Variants in CLIC4 observed in about 807,000 individuals in gnomAD.
CLIC4 encodes the protein chloride intracellular channel protein 4.
Under a neutral mutation model 24.6 loss-of-function variants are expected in CLIC4, and 13 were observed. The ratio of observed to expected loss-of-function variants is 0.53; its 90% CI spans 0.34 to 0.84. The LOEUF (loss-of-function observed/expected upper bound fraction) is 0.84. Among genes scored for constraint, CLIC4 ranks in the 40% least tolerant of loss-of-function variants. The pLI is 0.01. For synonymous variants in CLIC4, 104 were observed against 111.3 expected, an observed-to-expected ratio of 0.93 and a Z score of 0.41; for missense variants, 227 against 301.7, an observed-to-expected ratio of 0.75 and a Z score of 1.83.
intron 3 of CLIC4, 75 bp from the exon 4 acceptor site, chr1:24,826,935 A>G: frequency 1.1e-6 from 1 of 943,434 alleles, no homozygotes; most frequent in South Asian, 1.6e-5. Flanking sequence ...AGTAACTGCT[A>G]GCATGGTGGT....
chr1:24,805,208 C>T (rs1200057130), intron 2 of CLIC4, among the ~76,000 whole-genome samples: 1 of 150,168 alleles, frequency 6.7e-6, no homozygotes, highest in Non-Finnish European at 1.5e-5. Flanking sequence ...ATAAAATTGA[C>T]ATTAAAAGTA....
At chr1:24,759,852 C>T (rs1428819840) in intron 1 of CLIC4, among the ~76,000 whole-genome samples, 1 of 151,940 alleles carries the variant, frequency 6.6e-6, no homozygotes, top group Non-Finnish European at 1.5e-5. Flanking sequence ...TGCTTGGGGG[C>T]TGAGGCAGGA....
rs547867167 is a variant in CLIC4 at position 24,748,019 on chromosome 1, C to T, written c.72+2394C>T. On this transcript the variant is annotated intron_variant, in intron 1 of 5. Coordinates refer to ENST00000374379, the MANE Select transcript of CLIC4 (RefSeq NM_013943.3). ...CAGCCTGGGCGACAGAGTGAGACTT[C>T]GTCTCAAAAAAAAAAAAAAAAAGAT... 8.2e-4 allele frequency among the ~76,000 whole-genome samples: 87 copies of T among 106,672 alleles called. 1 individual carries two copies. In the East Asian group the frequency reaches 0.019, roughly 23 times the overall value. The allele number at this position is 106,672 out of a possible 152,430, so 70.0% of individuals were successfully genotyped here. A position where few individuals can be genotyped will look rare whatever the true frequency, so the allele number is the denominator to read the frequency against.
At chr1:24,791,825 G>A (rs921076867) in intron 1 of CLIC4, among the ~76,000 whole-genome samples, 1 of 150,818 alleles carries the variant, frequency 6.6e-6, no homozygotes, top group Non-Finnish European at 1.5e-5. Flanking sequence ...GCAGTGAGCC[G>A]AGATCACACC....
intron 4 of CLIC4, among the ~76,000 whole-genome samples, chr1:24,838,282 G>A (rs1639905660): frequency 1.3e-5 from 2 of 152,170 alleles, no homozygotes; most frequent in Non-Finnish European, 2.9e-5. Context: ...TGGCATGTAG[G>A]AGGGGCTCAA....
chr1:24,830,096 T>C (rs1010813451), intron 4 of CLIC4, among the ~76,000 whole-genome samples: 1 of 152,228 alleles, frequency 6.6e-6, no homozygotes, highest in Admixed American at 6.5e-5. Flanking sequence ...TTACATTTAA[T>C]GTTTTCTGCC....
Position 24,773,524 on chromosome 1 carries a change from A to G in CLIC4, c.73-24218A>G, listed in dbSNP as rs1639096835. 2.6e-5 allele frequency among the ~76,000 whole-genome samples: 4 copies of G among 151,126 alleles called. No homozygotes were observed. In the South Asian group the frequency reaches 8.4e-4, roughly 32 times the overall value. ...AAGGGAAGACCCTGGCAGTTAGTGA[A>G]TTTATCTTTGGTTAGCAGATATTTT... On this transcript the variant is annotated intron_variant, in intron 1 of 5. Coordinates refer to ENST00000374379, the MANE Select transcript of CLIC4 (RefSeq NM_013943.3).
chr1:24,748,429 T>C (rs1421848522), intron 1 of CLIC4, among the ~76,000 whole-genome samples: 1 of 149,908 alleles, frequency 6.7e-6, no homozygotes, highest in Non-Finnish European at 1.5e-5. Context: ...ATTTGTGAAA[T>C]AAGAAATGTT....
chr1:24,793,246 A>G (rs1639361877), intron 1 of CLIC4: 1 of 151,818 alleles, frequency 6.6e-6, no homozygotes, highest in South Asian at 2.1e-4. Flanking sequence ...TCTGTAGTAA[A>G]TCCACTTGTG....
chr1:24,791,974 G>C (rs537950920), intron 1 of CLIC4, among the ~76,000 whole-genome samples: 11 of 150,712 alleles, frequency 7.3e-5, no homozygotes, highest in African/African-American at 2.7e-4. Flanking sequence ...GCCTGAACCT[G>C]GGAGGTAGAG....
intron 1 of CLIC4, among the ~76,000 whole-genome samples, chr1:24,766,403 A>G (rs909392074): frequency 2.0e-5 from 3 of 150,012 alleles, no homozygotes; most frequent in Non-Finnish European, 4.4e-5. Context: ...AAGTGCTAGG[A>G]ATATAGGCAT....
At chr1:24,770,850 G>T (rs1239752074) in intron 1 of CLIC4, among the ~76,000 whole-genome samples, 1 of 151,950 alleles carries the variant, frequency 6.6e-6, no homozygotes. Context: ...TATTTTCTTG[G>T]TTTATTCCAT....
chr1:24,772,527 C>G (rs1192973656), intron 1 of CLIC4, among the ~76,000 whole-genome samples: 5 of 152,106 alleles, frequency 3.3e-5, no homozygotes, highest in Admixed American at 3.3e-4. Context: ...GCTCTCTCGC[C>G]CAGGCTAGAG....
intron 2 of CLIC4, among the ~76,000 whole-genome samples, chr1:24,800,493 C>T (rs1325993517): frequency 2.0e-5 from 3 of 151,164 alleles, no homozygotes; most frequent in African/African-American, 7.3e-5. Flanking sequence ...AGGTGAGGGG[C>T]GCCTCTGCCC....
In CLIC4 at chr1:24,843,984, A is replaced by T. The variant is rs1346819254; in HGVS notation, c.*3047A>T. 6.6e-6 allele frequency: 1 copy of T among 152,650 alleles called. No homozygotes were observed. Among genetic ancestry groups the T allele is most frequent in the Admixed American group, 6.5e-5 (1 of 15,280 alleles). The allele number at this position is 152,650 out of a possible 1,614,324, so 9.5% of individuals were successfully genotyped here. On this transcript the variant is annotated 3_prime_UTR_variant, in exon 6 of 6. Transcript: ENST00000374379. Reference sequence around the variant, plus strand: ...AATTTGAATTTAAGCATTTAATTCAAAGAGAGGGGAGCATCCATTATTGAT... The same window carrying T: ...AATTTGAATTTAAGCATTTAATTCATAGAGAGGGGAGCATCCATTATTGAT...
intron 1 of CLIC4, among the ~76,000 whole-genome samples, chr1:24,760,140 T>C (rs1281947946): frequency 6.6e-6 from 1 of 151,826 alleles, no homozygotes; most frequent in Non-Finnish European, 1.5e-5. Flanking sequence ...CTGAGGCAGG[T>C]GGATCAGTTG....
intron 1 of CLIC4, among the ~76,000 whole-genome samples, chr1:24,759,869 C>T (rs1231437395): frequency 6.6e-6 from 1 of 151,758 alleles, no homozygotes; most frequent in Admixed American, 6.6e-5. Flanking sequence ...AGGAGGATCA[C>T]CTGAACCTTG....
At chr1:24,829,785 C>T (rs1639821845) in intron 4 of CLIC4, among the ~76,000 whole-genome samples, 1 of 152,168 alleles carries the variant, frequency 6.6e-6, no homozygotes, top group South Asian at 2.1e-4. Context: ...CTCCTTTCTC[C>T]TCTCCCCACT....
At chr1:24,768,531 A>G (rs1197679398) in intron 1 of CLIC4, among the ~76,000 whole-genome samples, 2 of 151,846 alleles carry the variant, frequency 1.3e-5, no homozygotes, top group Non-Finnish European at 2.9e-5. Flanking sequence ...AGTAAAAATG[A>G]AGTCTTCTAA....
Sources: gnomAD v4.1 joint callset for allele counts (sites outside exome capture counted in the v4.1 genomes callset) on GRCh38, gnomAD v4.1.1 for gene constraint, MANE v1.5 for transcripts, NCBI Gene and HGNC (gene_info 2026-07-23, HGNC 2026-07-21) for gene names.